KCNS2: variants seen among roughly 807,000 people sequenced by gnomAD.
KCNS2 encodes the protein delayed-rectifier potassium channel regulatory subunit KCNS2.
A neutral mutation model predicts 28.3 loss-of-function variants in KCNS2; 15 were observed. That is an observed-to-expected ratio of 0.53 (90% CI 0.35 to 0.82). KCNS2 has a LOEUF of 0.82. Ranked by LOEUF, KCNS2 falls within the 40% of genes least tolerant of loss-of-function variation. KCNS2 has a pLI of 0.01. For missense variants in KCNS2, 501 were observed against 617.1 expected (o/e 0.81, Z 1.99); for synonymous variants, 254 against 256.7 (o/e 0.99, Z 0.10).
chr8:98,432,780 C>A lies in KCNS2; in HGVS notation c.*3367C>A, dbSNP rs776133051. The A allele has an allele frequency of 2.4e-5, 4 of 166,998 alleles. No homozygotes were observed. The allele number at this position is 166,998 out of a possible 1,614,324, so 10.3% of individuals were successfully genotyped here. ...CTGTAATTTTTAAAATTGAGGATGC[C>A]ATATTTGAGATGTCAGTTTTAACAC... On this transcript the variant is annotated 3_prime_UTR_variant, in exon 2 of 2. Transcript: ENST00000287042.
At position 98,427,266 on chromosome 8, in the gene KCNS2, G is replaced by A. The variant is rs1446029417; in HGVS notation, c.-106G>A. Reference sequence around the variant, plus strand: ...GCCAGCAGGCAGCGGCCACCGCCGCGATGCTCGCCCGCGGGTTGGGGAAGT... The same window carrying A: ...GCCAGCAGGCAGCGGCCACCGCCGCAATGCTCGCCCGCGGGTTGGGGAAGT... On this transcript the variant is annotated 5_prime_UTR_variant, in exon 1 of 2. Coordinates refer to ENST00000287042, the MANE Select transcript of KCNS2 (RefSeq NM_020697.4). 1 of 151,402 alleles carries A rather than the reference G, an allele frequency of 6.6e-6. No homozygotes were observed. Among genetic ancestry groups the A allele is most frequent in the Non-Finnish European group, 1.5e-5 (1 of 67,812 alleles). 9.4% of individuals were successfully genotyped at this position (151,402 alleles called of 1,614,324 possible).
At position 98,431,727 on chromosome 8, in the gene KCNS2, TG is replaced by T. The variant is rs2131075095; in HGVS notation, c.*2315del. 1 of 167,246 alleles carries T rather than the reference TG, an allele frequency of 6.0e-6. No homozygotes were observed. Among genetic ancestry groups the T allele is most frequent in the South Asian group, 2.1e-4 (1 of 4,834 alleles). 10.4% of individuals were successfully genotyped at this position (167,246 alleles called of 1,614,324 possible). A position where few individuals can be genotyped will look rare whatever the true frequency, so the allele number is the denominator to read the frequency against. On this transcript the variant is annotated 3_prime_UTR_variant, in exon 2 of 2. Transcript: ENST00000287042. ...AAGAGGTACCCTAGTGGTTACCCTTTGCAGATGTGAAAGCTGGAAAACTTGA... is the reference window on the plus strand; with the variant it reads ...AAGAGGTACCCTAGTGGTTACCCTTTCAGATGTGAAAGCTGGAAAACTTGA...
rs745804262 is a variant in KCNS2 at position 98,429,367 on chromosome 8, G to A, written c.1388G>A (p.Ser463Asn). The A allele has an allele frequency of 1.2e-6, 2 of 1,614,014 alleles. No homozygotes were observed. Among genetic ancestry groups the A allele is most frequent in the Non-Finnish European group, 1.7e-6 (2 of 1,179,884 alleles). ...CTTATGGCAAGCCTGACGAACATGA[G>A]CAGGAGCTCACCAAGTGAACTCAGT... is the stretch of plus-strand genomic sequence containing the variant. ...KSLMASLTNM[S>N]RSSPSELSLN... is the part of the protein sequence containing the mutation. Residue 463 changes from serine (S) to asparagine (N), a missense_variant, in exon 2 of 2, where the codon AGC becomes AAC. Coordinates refer to ENST00000287042, the MANE Select transcript of KCNS2 (RefSeq NM_020697.4).
chr8:98,428,030 G>C lies in KCNS2; in HGVS notation c.51G>C (p.Gly17=). The part of the protein sequence containing the change: ...WDVSEANVED[G]EIRINVGGFK... The stretch of plus-strand genomic sequence containing the variant: ...TGTCGGAGGCTAACGTCGAGGACGG[G>C]GAGATCCGCATCAATGTGGGCGGCT... Residue 17 remains glycine, a synonymous_variant, in exon 2 of 2, where the codon GGG becomes GGC. Coordinates refer to ENST00000287042, the MANE Select transcript of KCNS2 (RefSeq NM_020697.4). This position sits in a 1 kb window ranked among gnomAD's most constrained non-coding sequence, Gnocchi z 6.7. The C allele has an allele frequency of 6.2e-7, 1 of 1,606,344 alleles. No homozygotes were observed. The highest frequency in any genetic ancestry group is 8.5e-7 in the Non-Finnish European group (1 of 1,175,798).
chr8:98,428,070 C>G lies in KCNS2; in HGVS notation c.91C>G (p.Arg31Gly). Residue 31 changes from arginine (R) to glycine (G), a missense_variant, in exon 2 of 2, where the codon CGC (arginine) becomes GGC (glycine). Transcript: ENST00000287042. This position sits in a 1 kb window ranked among gnomAD's most constrained non-coding sequence, Gnocchi z 6.7. ...INVGGFKRRL[R>G]SHTLLRFPET... The stretch of plus-strand genomic sequence containing the variant: ...TGTGGGCGGCTTCAAGAGGAGGCTG[C>G]GCTCGCACACGCTGCTGCGCTTCCC... 1.2e-6 allele frequency: 2 copies of G among 1,613,336 alleles called. No homozygotes were observed. Among genetic ancestry groups the G allele is most frequent in the Non-Finnish European group, 1.7e-6 (2 of 1,179,702 alleles).
chr8:98,427,955 G>C lies in KCNS2; in HGVS notation c.-25G>C, dbSNP rs1017031432. The C allele has an allele frequency of 2.7e-6, 4 of 1,473,072 alleles. No individual in the cohort carries two copies. In the South Asian group the frequency reaches 5.4e-5, roughly 20 times the overall value. 91.3% of individuals were successfully genotyped at this position (1,473,072 alleles called of 1,614,324 possible). ...GCTTCCAGGTGTAGCGCCCCCGCGC[G>C]GCGCGGGCGGCCGGCGCCTCCAGCA... On this transcript the variant is annotated 5_prime_UTR_variant, in exon 2 of 2. Transcript: ENST00000287042.
Position 98,427,960 on chromosome 8 carries a change from G to T in KCNS2, c.-20G>T. The stretch of plus-strand genomic sequence containing the variant: ...CAGGTGTAGCGCCCCCGCGCGGCGC[G>T]GGCGGCCGGCGCCTCCAGCATGACC... On this transcript the variant is annotated 5_prime_UTR_variant, in exon 2 of 2. Coordinates refer to ENST00000287042, the MANE Select transcript of KCNS2 (RefSeq NM_020697.4). 6.7e-7 allele frequency: 1 copy of T among 1,482,838 alleles called. No homozygotes were observed. The highest frequency in any genetic ancestry group is 9.0e-7 in the Non-Finnish European group (1 of 1,112,906). 91.9% of individuals were successfully genotyped at this position (1,482,838 alleles called of 1,614,324 possible).
At position 98,429,811 on chromosome 8, in the gene KCNS2, CCCA is replaced by C. The variant is rs1405959362; in HGVS notation, c.*400_*402del. On this transcript the variant is annotated 3_prime_UTR_variant, in exon 2 of 2. Transcript: ENST00000287042. ...TCGTGTGAGTTCTGTACAAAAAGCC[CCCA>C]CAAGTCGTCCAGTAGAAATGCATCT... 1.1e-5 allele frequency: 2 copies of C among 182,974 alleles called. No individual in the cohort carries two copies. The highest frequency in any genetic ancestry group is 2.5e-5 in the Non-Finnish European group (2 of 78,840). The allele number at this position is 182,974 out of a possible 1,614,324, so 11.3% of individuals were successfully genotyped here.
rs111647288 is a variant in KCNS2 at position 98,431,034 on chromosome 8, A to G, written c.*1621A>G. ...TCCAGGTGGCTTTCATTATTGTTCC[A>G]TCTTTGAAAAGGCAATAGAACCCAG... On this transcript the variant is annotated 3_prime_UTR_variant, in exon 2 of 2. Coordinates refer to ENST00000287042, the MANE Select transcript of KCNS2 (RefSeq NM_020697.4). The G allele has an allele frequency of 1.2e-5, 2 of 167,126 alleles. No individual in the cohort carries two copies. Among genetic ancestry groups the G allele is most frequent in the African/African-American group, 4.8e-5 (2 of 41,538 alleles). The allele number at this position is 167,126 out of a possible 1,614,324, so 10.4% of individuals were successfully genotyped here.
rs751437110 is a variant in KCNS2 at position 98,429,087 on chromosome 8, G to A, written c.1108G>A (p.Val370Ile). ...CCCTGCCTGCTGGTGGTGGGCTACCGTCAGTATGACCACAGTGGGGTACGG... is the reference window on the plus strand; with the variant it reads ...CCCTGCCTGCTGGTGGTGGGCTACCATCAGTATGACCACAGTGGGGTACGG... The part of the protein sequence containing the change: ...TIPACWWWAT[V>I]SMTTVGYGDV... Residue 370 changes from valine to isoleucine, a missense_variant, in exon 2 of 2, where the codon GTC (valine) becomes ATC (isoleucine). Coordinates refer to ENST00000287042, the MANE Select transcript of KCNS2 (RefSeq NM_020697.4). 9 of 1,613,352 alleles carry A rather than the reference G, an allele frequency of 5.6e-6. No homozygotes were observed. Among genetic ancestry groups the A allele is most frequent in the Non-Finnish European group, 6.8e-6 (8 of 1,179,398 alleles).
In KCNS2 at chr8:98,430,799, G is replaced by GCTAGTTCATAAAACTGCTAGT. The variant is rs1201787693; in HGVS notation, c.*1386_*1387insCTAGTTCATAAAACTGCTAGT. 6.0e-6 allele frequency: 1 copy of GCTAGTTCATAAAACTGCTAGT among 167,074 alleles called. No homozygotes were observed. Among genetic ancestry groups the GCTAGTTCATAAAACTGCTAGT allele is most frequent in the Admixed American group, 6.5e-5 (1 of 15,286 alleles). 10.3% of individuals were successfully genotyped at this position (167,074 alleles called of 1,614,324 possible). A position where few individuals can be genotyped will look rare whatever the true frequency, so the allele number is the denominator to read the frequency against. ...ATAAAAAACTGCTAGTTCATAAAAT[G>GCTAGTTCATAAAACTGCTAGT]TCATAAAAAATTGTAAACTTGAAAA... On this transcript the variant is annotated 3_prime_UTR_variant, in exon 2 of 2. Transcript: ENST00000287042.
Position 98,429,659 on chromosome 8 carries a change from A to C in KCNS2, c.*246A>C. ...TCACTGGTCTTTGCATCGTGGGCAT[A>C]AAATGTTCACCTTTTTGCCAGATGA... is the stretch of plus-strand genomic sequence containing the variant. On this transcript the variant is annotated 3_prime_UTR_variant, in exon 2 of 2. Transcript: ENST00000287042. 1 of 496,030 alleles carries C rather than the reference A, an allele frequency of 2.0e-6. No homozygotes were observed. The allele number at this position is 496,030 out of a possible 1,614,324, so 30.7% of individuals were successfully genotyped here.
In KCNS2 at chr8:98,429,103, T is replaced by G; in HGVS notation, c.1124T>G (p.Val375Gly). 6.2e-7 allele frequency: 1 copy of G among 1,613,548 alleles called. No homozygotes were observed. The highest frequency in any genetic ancestry group is 1.3e-5 in the African/African-American group (1 of 75,008). ...WWWATVSMTT[V>G]GYGDVVPGTT... ...TGGGCTACCGTCAGTATGACCACAG[T>G]GGGGTACGGGGATGTGGTCCCAGGG... The change falls in exon 2 of 2, where the codon GTG becomes GGG. Residue 375 changes from valine (V) to glycine (G), a missense_variant. Transcript: ENST00000287042.
rs762809733 is a variant in KCNS2, at chr8:98,431,853, A to G, written c.*2440A>G. The G allele has an allele frequency of 3.0e-5, 5 of 167,080 alleles. No individual in the cohort carries two copies. The highest frequency in any genetic ancestry group is 7.3e-5 in the Non-Finnish European group (5 of 68,120). 10.3% of individuals were successfully genotyped at this position (167,080 alleles called of 1,614,324 possible). The stretch of plus-strand genomic sequence containing the variant: ...TCTTTTTAACATCTCTTGTACATAC[A>G]TATATACTTATATAAAATATTATCT... On this transcript the variant is annotated 3_prime_UTR_variant, in exon 2 of 2. Transcript: ENST00000287042.
chr8:98,429,203 G>A lies in KCNS2; in HGVS notation c.1224G>A (p.Leu408=). The A allele has an allele frequency of 6.2e-7, 1 of 1,613,984 alleles. No individual in the cohort carries two copies. The highest frequency in any genetic ancestry group is 8.5e-7 in the Non-Finnish European group (1 of 1,180,026). The change falls in exon 2 of 2, where the codon TTG becomes TTA. Residue 408 remains leucine, a synonymous_variant. Coordinates refer to ENST00000287042, the MANE Select transcript of KCNS2 (RefSeq NM_020697.4). The stretch of plus-strand genomic sequence containing the variant: ...TCGTGGTGGTCCTGCCCATCACCTT[G>A]ATCTTCAATAAGTTCTCCCACTTTT... ...GILVVVLPIT[L]IFNKFSHFYR...
chr8:98,428,043 A>G lies in KCNS2; in HGVS notation c.64A>G (p.Asn22Asp). 6.2e-7 allele frequency: 1 copy of G among 1,611,090 alleles called. No individual in the cohort carries two copies. Among genetic ancestry groups the G allele is most frequent in the Non-Finnish European group, 8.5e-7 (1 of 1,178,410 alleles). The change falls in exon 2 of 2, where the codon AAT (asparagine) becomes GAT (aspartate). Residue 22 changes from asparagine (N) to aspartate (D), a missense_variant. Physicochemically the swap from Asn to Asp is conservative, Grantham distance 23. Transcript: ENST00000287042. This position sits in a 1 kb window ranked among gnomAD's most constrained non-coding sequence, Gnocchi z 6.7. The stretch of plus-strand genomic sequence containing the variant: ...CGTCGAGGACGGGGAGATCCGCATC[A>G]ATGTGGGCGGCTTCAAGAGGAGGCT... ...ANVEDGEIRI[N>D]VGGFKRRLRS...
intron 1 of KCNS2, 42 bp from the exon 2 acceptor site, chr8:98,427,896 G>A: frequency 1.6e-6 from 2 of 1,234,972 alleles, no homozygotes; most frequent in South Asian, 1.6e-5. Context: ...GCCCCGCCAG[G>A]GCGCACGGCG....
At position 98,428,196 on chromosome 8, in the gene KCNS2, C is replaced by T. The variant is rs567295212; in HGVS notation, c.217C>T (p.Arg73Cys). The T allele has an allele frequency of 2.5e-6, 4 of 1,614,006 alleles. No homozygotes were observed. Among genetic ancestry groups the T allele is most frequent in the African/African-American group, 1.3e-5 (1 of 74,936 alleles). ...CGTCCAGCGGGAGTTCTACTTCGAC[C>T]GCAACCCTGAGCTCTTCCCCTACGT... The part of the protein sequence containing the change: ...DDVQREFYFD[R>C]NPELFPYVLH... The change falls in exon 2 of 2, where the codon CGC becomes TGC. Residue 73 changes from arginine to cysteine, a missense_variant. Transcript: ENST00000287042. This position sits in a 1 kb window ranked among gnomAD's most constrained non-coding sequence, Gnocchi z 6.7.
At position 98,428,622 on chromosome 8, in the gene KCNS2, C is replaced by A. The variant is rs1462044926; in HGVS notation, c.643C>A (p.Pro215Thr). ...CLNSLPDFQI[P>T]DSQGNPGEDP... ...CAATAGCCTGCCCGATTTCCAAATCCCTGACAGCCAGGGCAACCCTGGCGA... is the reference window on the plus strand; with the variant it reads ...CAATAGCCTGCCCGATTTCCAAATCACTGACAGCCAGGGCAACCCTGGCGA... The change falls in exon 2 of 2, where the codon CCT (proline) becomes ACT (threonine). Residue 215 changes from proline to threonine, a missense_variant. Pro to Thr is a conservative substitution (Grantham distance 38). Transcript: ENST00000287042. The surrounding 1 kb of genome is among the most constrained non-coding windows in gnomAD (Gnocchi z 6.7). The A allele has an allele frequency of 6.2e-7, 1 of 1,614,058 alleles. No individual in the cohort carries two copies. The highest frequency in any genetic ancestry group is 8.5e-7 in the Non-Finnish European group (1 of 1,180,038).
Sources: allele counts gnomAD v4.1 joint callset, GRCh38; gene constraint gnomAD v4.1.1; non-coding constraint Gnocchi (gnomAD v3.1); transcripts MANE v1.5; gene names NCBI Gene and HGNC (gene_info 2026-07-23, HGNC 2026-07-21).